CIDEA: variants seen among roughly 807,000 people sequenced by gnomAD.
CIDEA encodes cell death inducing DFFA like effector a, also known as lipid transferase CIDEA.
Under a neutral mutation model 18.2 loss-of-function variants are expected in CIDEA, and 10 were observed. The ratio of observed to expected loss-of-function variants is 0.55; its 90% CI spans 0.34 to 0.93. The LOEUF (loss-of-function observed/expected upper bound fraction) is 0.93. CIDEA is among the 40% of genes least tolerant of loss of function. The pLI is 0.02. For missense variants in CIDEA, 309 were observed against 293.1 expected (o/e 1.05, Z -0.40); for synonymous variants, 128 against 124.8 (o/e 1.03, Z -0.17).
chr18:12,268,229 CATTTTTTTTTT>C (rs1228523824), intron 3 of CIDEA, among the ~76,000 whole-genome samples: 2 of 73,000 alleles, frequency 2.7e-5, no homozygotes, highest in South Asian at 5.3e-4. Flanking sequence ...CATGCCCGGC[CATTTTTTTTTT>C]TTTTTTTTTT....
chr18:12,270,894 C>CTTTTTTTTTTTTTTTTTTTTTTTTTTTTT (rs771335202), intron 3 of CIDEA, among the ~76,000 whole-genome samples: 1 of 60,000 alleles, frequency 1.7e-5, no homozygotes, highest in Non-Finnish European at 2.9e-5. Context: ...TTTTTCTTTT[C>CTTTTTTTTTTTTTTTTTTTTTTTTTTTTT]TTTTTTTTTT....
At chr18:12,270,712 A>AAAAAAAAAAG in intron 3 of CIDEA, among the ~76,000 whole-genome samples, 1 of 119,900 alleles carries the variant, frequency 8.3e-6, no homozygotes, top group Non-Finnish European at 1.9e-5. Context: ...AAAAAAAAAA[A>AAAAAAAAAAG]AAAAGCAGGT....
At chr18:12,262,781 A>G in intron 1 of CIDEA, 44 bp from the exon 2 acceptor site, 1 of 1,575,744 alleles carries the variant, frequency 6.3e-7, no homozygotes, top group South Asian at 1.1e-5. Flanking sequence ...ACTTCTTCTG[A>G]CAGACTCTTT....
Position 12,254,371 on chromosome 18 carries a change from G to T in CIDEA, c.-13G>T. 2 of 1,528,656 alleles carry T rather than the reference G, an allele frequency of 1.3e-6. No homozygotes were observed. Among genetic ancestry groups the T allele is most frequent in the Non-Finnish European group, 8.8e-7 (1 of 1,139,146 alleles). The allele number at this position is 1,528,656 out of a possible 1,614,324, so 94.7% of individuals were successfully genotyped here. On this transcript the variant is annotated 5_prime_UTR_variant, in exon 1 of 5. The change creates a new upstream start codon in the 5' untranslated region. Transcript: ENST00000320477. Reference sequence around the variant, plus strand: ...GGCAGACAGACCTCCAGGCCCGCTAGGGGATCCGCGCCATGGAGGCCGCCC... The same window carrying T: ...GGCAGACAGACCTCCAGGCCCGCTATGGGATCCGCGCCATGGAGGCCGCCC...
chr18:12,254,519 T>C, intron 1 of CIDEA, 98 bp downstream of exon 1: 3 of 1,539,656 alleles, frequency 1.9e-6, no homozygotes, highest in Non-Finnish European at 2.6e-6. Context: ...CGTACCCCGC[T>C]CCCTTCAGCC....
At chr18:12,265,127 G>A (rs1912314714) in intron 3 of CIDEA, among the ~76,000 whole-genome samples, 1 of 152,238 alleles carries the variant, frequency 6.6e-6, no homozygotes, top group Non-Finnish European at 1.5e-5. Flanking sequence ...AGAGGGGTGT[G>A]TGTGCATGTG....
intron 4 of CIDEA, among the ~76,000 whole-genome samples, chr18:12,275,993 C>CTTTTTTTTTTTTTTTTTT (rs149108439): frequency 7.7e-6 from 1 of 129,706 alleles, no homozygotes; most frequent in Non-Finnish European, 1.6e-5. Context: ...TTTTTCTTTT[C>CTTTTTTTTTTTTTTTTTT]TTATTTTTTT....
intron 1 of CIDEA, among the ~76,000 whole-genome samples, chr18:12,261,369 AAAAC>A (rs1212075920): frequency 6.6e-6 from 1 of 152,140 alleles, no homozygotes; most frequent in Non-Finnish European, 1.5e-5. Flanking sequence ...ACTCCATCTC[AAAAC>A]AAACAAACAA....
At chr18:12,254,953 C>T in intron 1 of CIDEA, 1 of 1,217,910 alleles carries the variant, frequency 8.2e-7, no homozygotes, top group Non-Finnish European at 1.1e-6. Flanking sequence ...GCGGAGCCCT[C>T]CAGGTTGGTG....
In CIDEA at chr18:12,264,416, A is replaced by G. The variant is rs149990783; in HGVS notation, c.293A>G (p.His98Arg). The change falls in exon 3 of 5, where the codon CAT (histidine) becomes CGT (arginine). Residue 98 changes from histidine (H) to arginine (R), a missense_variant. Physicochemically the swap from His to Arg is conservative, Grantham distance 29. Coordinates refer to ENST00000320477, the MANE Select transcript of CIDEA (RefSeq NM_001279.4). ...TTTCAGACCTTGGGAGACAACACGC[A>G]TTTCATGATCTTGGAAAAAGGACAG... Reference protein sequence around the residue: ...EFFQTLGDNTHFMILEKGQKW... With the variant: ...EFFQTLGDNTRFMILEKGQKW... 339 of 1,613,988 alleles carry G rather than the reference A, an allele frequency of 2.1e-4. No homozygotes were observed. Among genetic ancestry groups the G allele is most frequent in the Non-Finnish European group, 2.8e-4 (325 of 1,179,986 alleles).
intron 2 of CIDEA, chr18:12,263,958 C>T (rs182882286): frequency 4.0e-4 from 72 of 182,102 alleles, no homozygotes; most frequent in Admixed American, 2.0e-3. Flanking sequence ...ACTTCCCGGC[C>T]GCATGCAATG....
intron 4 of CIDEA, among the ~76,000 whole-genome samples, chr18:12,275,605 T>A (rs759441803): frequency 6.6e-6 from 1 of 152,212 alleles, no homozygotes; most frequent in Non-Finnish European, 1.5e-5. Flanking sequence ...CGTTTCTCTT[T>A]GAGGGTGTTG....
Position 12,258,692 on chromosome 18 carries a change from G to C in CIDEA, c.39-4133G>C, listed in dbSNP as rs9961443. 1.4e-3 allele frequency among the ~76,000 whole-genome samples: 211 copies of C among 152,348 alleles called. 1 individual carries two copies. The highest frequency in any genetic ancestry group is 4.9e-3 in the African/African-American group (204 of 41,566). On this transcript the variant is annotated intron_variant, in intron 1 of 4. Coordinates refer to ENST00000320477, the MANE Select transcript of CIDEA (RefSeq NM_001279.4). ...GAAGCCGGAGCTGGATTCAGACCCT[G>C]GTCTAGCCTTTGCTGCCCTGACGAT...
intron 4 of CIDEA, among the ~76,000 whole-genome samples, chr18:12,274,905 G>A (rs533852265): frequency 1.3e-5 from 2 of 152,278 alleles, no homozygotes; most frequent in South Asian, 4.1e-4. Context: ...CCCATAACTG[G>A]GTGCCACCCC....
chr18:12,276,566 C>A (rs1399571913), intron 4 of CIDEA, among the ~76,000 whole-genome samples: 1 of 152,234 alleles, frequency 6.6e-6, no homozygotes, highest in Non-Finnish European at 1.5e-5. Context: ...AGCCCCCACA[C>A]TGGAGGCACC....
chr18:12,277,071 C>G, intron 4 of CIDEA, 52 bp from the exon 5 acceptor site: 1 of 1,605,572 alleles, frequency 6.2e-7, no homozygotes, highest in Non-Finnish European at 8.5e-7. Flanking sequence ...CTGTCTGTTT[C>G]TCACTGGCCC....
intron 3 of CIDEA, among the ~76,000 whole-genome samples, chr18:12,272,807 T>C (rs919564080): frequency 1.3e-5 from 2 of 151,960 alleles, no homozygotes; most frequent in Non-Finnish European, 2.9e-5. Flanking sequence ...TGGAGGGCAG[T>C]AGCACAATCA....
intron 3 of CIDEA, among the ~76,000 whole-genome samples, chr18:12,269,739 C>T (rs1238702374): frequency 6.6e-6 from 1 of 152,036 alleles, no homozygotes; most frequent in Non-Finnish European, 1.5e-5. Flanking sequence ...GCTCTGTCAC[C>T]CGGGCTGGAG....
At chr18:12,262,584 G>A (rs572508877) in intron 1 of CIDEA, among the ~76,000 whole-genome samples, 1 of 152,258 alleles carries the variant, frequency 6.6e-6, no homozygotes, top group East Asian at 1.9e-4. Context: ...AAGAGTTTCA[G>A]CAAGGACTTT....
Sources: gnomAD v4.1 joint callset for allele counts (sites outside exome capture counted in the v4.1 genomes callset) on GRCh38, gnomAD v4.1.1 for gene constraint, MANE v1.5 for transcripts, NCBI Gene and HGNC (gene_info 2026-07-23, HGNC 2026-07-21) for gene names.